Variants in CCNB3 observed in about 807,000 individuals in gnomAD.
The protein encoded by CCNB3 is cyclin B3.
In CCNB3, 12 loss-of-function variants were observed where a neutral mutation model predicts 68.0. That is an observed-to-expected ratio of 0.18 (90% confidence interval 0.11 to 0.29). CCNB3 has a LOEUF of 0.29. Among genes scored for constraint, CCNB3 ranks in the 10% least tolerant of loss-of-function variants. The probability of loss-of-function intolerance (pLI) is 1.00; values close to 1 mark genes in which losing one functional copy is unlikely to be tolerated. For synonymous variants in CCNB3, 354 were observed against 388.9 expected (o/e 0.91, Z 1.06); for missense variants, 904 against 993.1 (o/e 0.91, Z 1.21).
At chrX:50,313,676 C>T (rs1381077750) in intron 7 of CCNB3, among the ~76,000 whole-genome samples, 180 bp from the exon 8 acceptor site, 7 of 111,894 alleles carry the variant, frequency 6.3e-5, no homozygotes, top group East Asian at 5.6e-4. Context: ...TTGAATATCA[C>T]GTGTCTATTT....
rs781960096 is a variant in CCNB3, at chrX:50,309,632, C to T, written c.1463C>T (p.Pro488Leu). The T allele has an allele frequency of 5.0e-6, 6 of 1,211,318 alleles. No homozygotes were observed. In the East Asian group the frequency reaches 1.8e-4, roughly 36 times the overall value. Residue 488 changes from proline (P) to leucine (L), a missense_variant, in exon 6 of 13, where the codon CCT (proline) becomes CTT (leucine). Transcript: ENST00000376042. ...TIEEAPPTKK[P>L]LILKRKHATQ... is the part of the protein sequence containing the mutation. ...GAGGAGGCACCCCCCACCAAGAAGCCTTTAATTTTAAAGAGGAAGCATGCC... is the reference window on the plus strand; with the variant it reads ...GAGGAGGCACCCCCCACCAAGAAGCTTTTAATTTTAAAGAGGAAGCATGCC...
chrX:50,286,375 A>G, intron 3 of CCNB3, among the ~76,000 whole-genome samples: 1 of 111,362 alleles, frequency 9.0e-6, no homozygotes, highest in South Asian at 3.8e-4. Flanking sequence ...ATCTCGGCTC[A>G]CTGCAACCTC....
intron 3 of CCNB3, 125 bp from the exon 4 acceptor site, chrX:50,288,655 T>C: frequency 2.3e-6 from 1 of 443,351 alleles, no homozygotes; most frequent in Non-Finnish European, 4.0e-6. Flanking sequence ...TTTATTGGGG[T>C]TTATTATATG....
chrX:50,327,346 C>T (rs1378677585), intron 8 of CCNB3, among the ~76,000 whole-genome samples: 1 of 112,498 alleles, frequency 8.9e-6, no homozygotes, highest in African/African-American at 3.2e-5. Flanking sequence ...TAGACTTGTT[C>T]TATGTGTTTC....
chrX:50,219,823 T>G (rs1220050751), intron 1 of CCNB3, among the ~76,000 whole-genome samples: 1 of 111,871 alleles, frequency 8.9e-6, no homozygotes, highest in Non-Finnish European at 1.9e-5. Flanking sequence ...CAATGGTAAC[T>G]TGATGAGGAT....
chrX:50,342,413 A>G, intron 9 of CCNB3, 74 bp downstream of exon 9: 1 of 975,572 alleles, frequency 1.0e-6, no homozygotes, highest in South Asian at 2.4e-5. Flanking sequence ...ATATATTCAT[A>G]TATATTCATT....
intron 4 of CCNB3, among the ~76,000 whole-genome samples, chrX:50,292,588 T>A (rs1936369241): frequency 1.8e-5 from 2 of 111,326 alleles, no homozygotes; most frequent in Admixed American, 1.9e-4. Context: ...ATCATTATTG[T>A]TTATCTTTTT....
Position 50,211,565 on chromosome X carries a change from G to A in CCNB3, c.-113+6615G>A, listed in dbSNP as rs1474353698. 6.8e-3 allele frequency among the ~76,000 whole-genome samples: 756 copies of A among 110,824 alleles called. 2 individuals carry two copies. Among genetic ancestry groups the A allele is most frequent in the African/African-American group, 0.023 (714 of 30,482 alleles). ...TGTTGTGGCACCCTCCTGTAGTACC[G>A]GTTACTCAGGAGCCTGAGGTGGGAG... On this transcript the variant is annotated intron_variant, in intron 1 of 12. Coordinates refer to ENST00000376042, the MANE Select transcript of CCNB3 (RefSeq NM_033031.3).
chrX:50,292,236 G>A (rs1557210203), intron 4 of CCNB3, among the ~76,000 whole-genome samples: 1 of 110,095 alleles, frequency 9.1e-6, no homozygotes, highest in African/African-American at 3.3e-5. Context: ...TTTATAGCAC[G>A]TTTTCCCCTC....
At chrX:50,327,532 A>G (rs1260016967) in intron 8 of CCNB3, among the ~76,000 whole-genome samples, 3 of 112,609 alleles carry the variant, frequency 2.7e-5, no homozygotes, top group Admixed American at 9.4e-5. Context: ...GAATGCATGC[A>G]TAAGTGGCCA....
chrX:50,298,497 G>A lies in CCNB3; in HGVS notation c.335+3504G>A, dbSNP rs1301718376. Among the ~76,000 whole-genome samples, 3 of 111,695 alleles carry A rather than the reference G, an allele frequency of 2.7e-5. No homozygotes were observed. The East Asian group carries it at 8.4e-4, about 31-fold the overall frequency. Reference sequence around the variant, plus strand: ...GGGATGAAGCCCACTTGATCATGGTGGATAAGCTTTTTGCTGTGCTGCTGG... The same window carrying A: ...GGGATGAAGCCCACTTGATCATGGTAGATAAGCTTTTTGCTGTGCTGCTGG... On this transcript the variant is annotated intron_variant, in intron 5 of 12. Transcript: ENST00000376042.
chrX:50,303,612 C>G lies in CCNB3; in HGVS notation c.336-4893C>G, dbSNP rs1403395190. ...GGAATGTCTGTTTGGATCTTTTGCCCATTTTTTTATGCTTTTATTTCTTAA... is the reference window on the plus strand; with the variant it reads ...GGAATGTCTGTTTGGATCTTTTGCCGATTTTTTTATGCTTTTATTTCTTAA... On this transcript the variant is annotated intron_variant, in intron 5 of 12. Transcript: ENST00000376042. Among the ~76,000 whole-genome samples the G allele has an allele frequency of 3.6e-5, 4 of 110,470 alleles. No homozygotes were observed. The East Asian group carries it at 1.1e-3, about 31-fold the overall frequency.
intron 4 of CCNB3, among the ~76,000 whole-genome samples, chrX:50,289,799 C>A (rs1386046388): frequency 8.9e-6 from 1 of 111,806 alleles, no homozygotes; most frequent in Non-Finnish European, 1.9e-5. Flanking sequence ...TATGTAGCTA[C>A]CAGAATACTT....
rs782352431 is a variant in CCNB3, at chrX:50,342,183, C to T, written c.3517-19C>T. On this transcript the variant is annotated intron_variant, in intron 8 of 12. Transcript: ENST00000376042. ...AGCTGGACAATATGCAGATCTGTGT[C>T]GTGTGTGTGTTCCTCCAGGTGTCCT... 5.3e-5 allele frequency: 64 copies of T among 1,207,469 alleles called. No homozygotes were observed. Among genetic ancestry groups the T allele is most frequent in the African/African-American group, 1.8e-4 (10 of 56,969 alleles).
Position 50,340,236 on chromosome X carries a change from G to A in CCNB3, c.3517-1966G>A, listed in dbSNP as rs781872381. On this transcript the variant is annotated intron_variant, in intron 8 of 12. Coordinates refer to ENST00000376042, the MANE Select transcript of CCNB3 (RefSeq NM_033031.3). ...TTAAGAGTAACCTATACAAGGGGAG[G>A]TCCACTTAAGTGAAACTTACAGGGA... 1.4e-4 allele frequency among the ~76,000 whole-genome samples: 16 copies of A among 111,700 alleles called. No homozygotes were observed. The South Asian group carries it at 6.1e-3, about 43-fold the overall frequency.
At chrX:50,212,120 C>T (rs1213751276) in intron 1 of CCNB3, among the ~76,000 whole-genome samples, 1 of 112,198 alleles carries the variant, frequency 8.9e-6, no homozygotes, top group African/African-American at 3.2e-5. Flanking sequence ...ATTCACACAT[C>T]ACATTCTGCC....
intron 1 of CCNB3, among the ~76,000 whole-genome samples, chrX:50,212,659 A>G (rs1231515638): frequency 9.0e-6 from 1 of 110,521 alleles, no homozygotes; most frequent in Non-Finnish European, 1.9e-5. Context: ...CCCTTTATCT[A>G]TCACACCCCA....
At chrX:50,218,679 C>T (rs1195995834) in intron 1 of CCNB3, among the ~76,000 whole-genome samples, 9 of 111,940 alleles carry the variant, frequency 8.0e-5, no homozygotes, top group Non-Finnish European at 1.7e-4. Flanking sequence ...TCCAGTATAT[C>T]ACTGATGGGC....
At chrX:50,211,802 A>G (rs1935487307) in intron 1 of CCNB3, among the ~76,000 whole-genome samples, 1 of 112,290 alleles carries the variant, frequency 8.9e-6, no homozygotes, top group Admixed American at 9.4e-5. Context: ...CATTCATCCA[A>G]TTAAAAGGGA....
Sources: allele counts gnomAD v4.1 joint callset (sites outside exome capture counted in the v4.1 genomes callset), GRCh38; gene constraint gnomAD v4.1.1; transcripts MANE v1.5; gene names NCBI Gene and HGNC (gene_info 2026-07-23, HGNC 2026-07-21).